Variants in SDK1 observed in about 807,000 individuals in gnomAD.
The protein encoded by SDK1 is sidekick cell adhesion molecule 1.
Under a neutral mutation model 245.5 loss-of-function variants are expected in SDK1, and 157 were observed. The observed-to-expected ratio is 0.64, with a 90% CI of 0.56 to 0.73. The LOEUF (loss-of-function observed/expected upper bound fraction) is 0.73, where lower values mean the gene tolerates loss of function less well. SDK1 is among the 30% of genes least tolerant of loss of function. The pLI, the probability that SDK1 is intolerant of heterozygous loss-of-function variation, is 0.00. For missense variants in SDK1, 3,583 were observed against 3,002.3 expected (o/e 1.19, Z -4.52); for synonymous variants, 1,647 against 1,278.5 (o/e 1.29, Z -6.15).
At chr7:3,692,744 T>C (rs896396603) in intron 4 of SDK1, among the ~76,000 whole-genome samples, 4 of 152,158 alleles carry the variant, frequency 2.6e-5, no homozygotes, top group Non-Finnish European at 5.9e-5. Flanking sequence ...TACTCTTTGA[T>C]CTATTCAATG....
intron 44 of SDK1, among the ~76,000 whole-genome samples, chr7:4,258,817 A>G (rs1787786688): frequency 6.6e-6 from 1 of 152,204 alleles, no homozygotes; most frequent in Admixed American, 6.5e-5. Context: ...TGAACCTCAT[A>G]TTTGACCTTC....
At chr7:3,723,939 T>TAGAG (rs1169297616) in intron 4 of SDK1, among the ~76,000 whole-genome samples, 3 of 116,722 alleles carry the variant, frequency 2.6e-5, no homozygotes, top group Admixed American at 8.9e-5. Flanking sequence ...TATATATATA[T>TAGAG]ATATAGAGAG....
chr7:3,918,660 G>A (rs1292649798), intron 5 of SDK1, among the ~76,000 whole-genome samples: 1 of 151,974 alleles, frequency 6.6e-6, no homozygotes, highest in Non-Finnish European at 1.5e-5. Flanking sequence ...CCATCCCCCC[G>A]ACATTGGTAG....
rs929001513 is a variant in SDK1 at position 4,224,531 on chromosome 7, C to T, written c.5827+3167C>T. ...TGTGATCCAAACACCTCCCACCAGG[C>T]CCCTCCCCCAACACCGGGGACGATA... On this transcript the variant is annotated intron_variant, in intron 40 of 44. Coordinates refer to ENST00000404826, the MANE Select transcript of SDK1 (RefSeq NM_152744.4). Among the ~76,000 whole-genome samples, 7 of 152,178 alleles carry T rather than the reference C, an allele frequency of 4.6e-5. No individual in the cohort carries two copies. In the East Asian group the frequency reaches 1.3e-3, roughly 29 times the overall value.
At chr7:3,363,249 A>T (rs188132972) in intron 1 of SDK1, among the ~76,000 whole-genome samples, 22 of 152,230 alleles carry the variant, frequency 1.4e-4, no homozygotes, top group Non-Finnish European at 3.1e-4. Flanking sequence ...CTCTTTTTTC[A>T]TTCAGCATAG....
intron 4 of SDK1, among the ~76,000 whole-genome samples, chr7:3,712,009 C>G (rs565648320): frequency 2.5e-4 from 38 of 152,272 alleles, no homozygotes; most frequent in African/African-American, 9.1e-4. Flanking sequence ...TGTGACAGTT[C>G]CATAAGAACA....
rs76935881 is a variant in SDK1 at position 4,036,698 on chromosome 7, A to G, written c.2603-12650A>G. ...TAGATTGTGAGGGCTGGTTGGGATT[A>G]GCACCCTTATGAAAGAGACCTCTGA... On this transcript the variant is annotated intron_variant, in intron 17 of 44. Coordinates refer to ENST00000404826, the MANE Select transcript of SDK1 (RefSeq NM_152744.4). Among the ~76,000 whole-genome samples, 111 of 152,260 alleles carry G rather than the reference A, an allele frequency of 7.3e-4. 1 individual carries two copies. The East Asian group carries it at 0.02, about 27-fold the overall frequency.
chr7:3,851,528 C>G (rs1562490198), intron 5 of SDK1, among the ~76,000 whole-genome samples: 1 of 152,036 alleles, frequency 6.6e-6, no homozygotes. Context: ...TTTGAAAATA[C>G]CAGTCTCAAG....
chr7:3,342,597 G>GA (rs960136457), intron 1 of SDK1, among the ~76,000 whole-genome samples: 271 of 143,868 alleles, frequency 1.9e-3, no homozygotes, highest in Non-Finnish European at 3.2e-3. Flanking sequence ...TCAAAAAAAA[G>GA]AAAAAAAAAA....
intron 4 of SDK1, among the ~76,000 whole-genome samples, chr7:3,655,788 C>T (rs186213482): frequency 2.2e-4 from 33 of 151,826 alleles, no homozygotes; most frequent in African/African-American, 4.8e-4. Flanking sequence ...TACACTAGAT[C>T]GAGACTCAGA....
intron 22 of SDK1, among the ~76,000 whole-genome samples, chr7:4,108,557 C>T (rs1358617242): frequency 6.6e-6 from 1 of 152,182 alleles, no homozygotes; most frequent in Non-Finnish European, 1.5e-5. Flanking sequence ...TTACACCACC[C>T]TGTGGTTTTG....
At chr7:3,906,257 T>G (rs1165813118) in intron 5 of SDK1, among the ~76,000 whole-genome samples, 1 of 152,228 alleles carries the variant, frequency 6.6e-6, no homozygotes, top group Non-Finnish European at 1.5e-5. Context: ...TGTTAGAACT[T>G]TAATTATTTT....
At chr7:3,621,832 C>G (rs1041164073) in intron 2 of SDK1, among the ~76,000 whole-genome samples, 2 of 152,156 alleles carry the variant, frequency 1.3e-5, no homozygotes, top group African/African-American at 4.8e-5. Flanking sequence ...GGGTCTCAAA[C>G]TATTATTTGC....
Position 3,746,996 on chromosome 7 carries a change from A to G in SDK1, c.714-74454A>G, listed in dbSNP as rs150343584. ...TGGCAGCTATAGACTTACAAAATGC[A>G]TTTCTTAAATAGTAAGACGTGAAAG... On this transcript the variant is annotated intron_variant, in intron 4 of 44. Transcript: ENST00000404826. Among the ~76,000 whole-genome samples the G allele has an allele frequency of 3.0e-3, 460 of 152,354 alleles. 6 individuals carry two copies. Among genetic ancestry groups the G allele is most frequent in the African/African-American group, 0.011 (445 of 41,576 alleles).
rs761878251 is a variant in SDK1, at chr7:3,951,857, G to A, written c.1087G>A (p.Glu363Lys). ...TSADTGPYVC[E>K]AALPGSAFEP... Reference sequence around the variant, plus strand: ...CGCGGACACCGGGCCATACGTCTGCGAGGCGGCGCTGCCGGGGAGCGCTTT... The same window carrying A: ...CGCGGACACCGGGCCATACGTCTGCAAGGCGGCGCTGCCGGGGAGCGCTTT... The change falls in exon 7 of 45, where the codon GAG (glutamate) becomes AAG (lysine). Residue 363 changes from glutamate (E) to lysine (K), a missense_variant. Physicochemically the swap from Glu to Lys is moderately conservative, Grantham distance 56. Transcript: ENST00000404826. 8.4e-5 allele frequency: 135 copies of A among 1,613,682 alleles called. No individual in the cohort carries two copies. Among genetic ancestry groups the A allele is most frequent in the Middle Eastern group, 1.6e-4 (1 of 6,084 alleles).
intron 17 of SDK1, among the ~76,000 whole-genome samples, chr7:4,036,759 G>T (rs1469115663): frequency 6.6e-6 from 1 of 152,152 alleles, no homozygotes; most frequent in Non-Finnish European, 1.5e-5. Context: ...TGAGATTACA[G>T]TTAGAAGGCA....
intron 1 of SDK1, among the ~76,000 whole-genome samples, chr7:3,403,864 TATATAA>T (rs1250464348): frequency 1.8e-3 from 208 of 116,346 alleles, no homozygotes; most frequent in Middle Eastern, 4.1e-3. Flanking sequence ...TATATATATA[TATATAA>T]TATATATATT....
At chr7:3,575,543 C>T (rs561101414) in intron 1 of SDK1, among the ~76,000 whole-genome samples, 4 of 151,900 alleles carry the variant, frequency 2.6e-5, no homozygotes, top group African/African-American at 7.2e-5. Flanking sequence ...GGGGGACACC[C>T]ACATTGGCTG....
intron 4 of SDK1, among the ~76,000 whole-genome samples, chr7:3,667,167 T>C (rs1191353897): frequency 6.6e-6 from 1 of 152,210 alleles, no homozygotes; most frequent in Non-Finnish European, 1.5e-5. Context: ...CTGACCTAAC[T>C]GTAGCTAATT....
Sources: allele counts gnomAD v4.1 joint callset (sites outside exome capture counted in the v4.1 genomes callset), GRCh38; gene constraint gnomAD v4.1.1; transcripts MANE v1.5; gene names NCBI Gene and HGNC (gene_info 2026-07-23, HGNC 2026-07-21).